The following COL4A4 variants were observed in gnomAD, a reference collection of about 807,000 sequenced individuals.
COL4A4 encodes the protein collagen type IV alpha 4 chain.
Under a neutral mutation model 192.9 loss-of-function variants are expected in COL4A4, and 105 were observed. The ratio of observed to expected loss-of-function variants is 0.54; its 90% confidence interval spans 0.46 to 0.64. COL4A4 has a LOEUF of 0.64. Among genes scored for constraint, COL4A4 ranks in the 30% least tolerant of loss-of-function variants. The pLI is 0.00. For missense variants in COL4A4, 1,967 were observed against 2,169.3 expected, an observed-to-expected ratio of 0.91 and a Z score of 1.85; for synonymous variants, 762 against 769.9, an observed-to-expected ratio of 0.99 and a Z score of 0.17.
intron 4 of COL4A4, among the ~76,000 whole-genome samples, chr2:227,137,943 C>G (rs1250289461): frequency 6.6e-6 from 1 of 151,784 alleles, no homozygotes. Context: ...CACATTTACA[C>G]AAAAAAGCTA....
rs1962350012 is a variant in COL4A4 at position 227,007,309 on chromosome 2, G to A, written c.*16C>T. On this transcript the variant is annotated 3_prime_UTR_variant, in exon 48 of 48. Transcript: ENST00000396625. ...GGAAGTTTCTCTTGGCCACGTGTTG[G>A]TGAATTTCGCATTCTCTAGCTATAC... is the stretch of plus-strand genomic sequence containing the variant. 6.2e-7 allele frequency: 1 copy of A among 1,614,204 alleles called. No homozygotes were observed. The highest frequency in any genetic ancestry group is 1.1e-5 in the South Asian group (1 of 91,076).
chr2:227,133,079 G>A (rs1403881406), intron 4 of COL4A4, among the ~76,000 whole-genome samples: 2 of 152,286 alleles, frequency 1.3e-5, no homozygotes, highest in East Asian at 3.9e-4. Context: ...CCAATAACAA[G>A]TTCAGTGTGG....
Position 227,006,331 on chromosome 2 carries a change from C to G in COL4A4, c.*994G>C, listed in dbSNP as rs1236074252. 6.6e-6 allele frequency: 1 copy of G among 152,608 alleles called. No individual in the cohort carries two copies. Among genetic ancestry groups the G allele is most frequent in the Non-Finnish European group, 1.5e-5 (1 of 68,070 alleles). 9.5% of individuals were successfully genotyped at this position (152,608 alleles called of 1,614,324 possible). On this transcript the variant is annotated 3_prime_UTR_variant, in exon 48 of 48. Coordinates refer to ENST00000396625, the MANE Select transcript of COL4A4 (RefSeq NM_000092.5). ...AGTGCAAGAAGCTGTGCAGGCTCTC[C>G]TGGGGAGGGGAGTGAGATGCTTTGT...
At chr2:227,128,141 T>C (rs1353136104) in intron 4 of COL4A4, among the ~76,000 whole-genome samples, 1 of 152,158 alleles carries the variant, frequency 6.6e-6, no homozygotes, top group Non-Finnish European at 1.5e-5. Flanking sequence ...CTCTCACACC[T>C]AGCAAGCTCA....
chr2:227,018,650 A>G (rs1450377570), intron 44 of COL4A4, among the ~76,000 whole-genome samples: 2 of 152,154 alleles, frequency 1.3e-5, no homozygotes, highest in African/African-American at 2.4e-5. Flanking sequence ...GCGATGCTTC[A>G]CCAGAACGAC....
At chr2:227,037,631 T>C (rs918678934) in intron 37 of COL4A4, among the ~76,000 whole-genome samples, 1 of 152,192 alleles carries the variant, frequency 6.6e-6, no homozygotes, top group Non-Finnish European at 1.5e-5. Context: ...CAAATGGAAT[T>C]TCTGGTTCTA....
At chr2:227,017,871 G>T (rs1318083864) in intron 44 of COL4A4, among the ~76,000 whole-genome samples, 1 of 152,104 alleles carries the variant, frequency 6.6e-6, no homozygotes. Flanking sequence ...TGTCATGGAG[G>T]TTTGTTGTAC....
intron 24 of COL4A4, among the ~76,000 whole-genome samples, chr2:227,078,434 A>C (rs35851048): frequency 1.3e-4 from 20 of 151,990 alleles, no homozygotes; most frequent in Non-Finnish European, 2.5e-4. Flanking sequence ...GTAGAGACTG[A>C]GTTTCGCCAT....
At chr2:227,108,393 G>C (rs2060982587) in intron 12 of COL4A4, among the ~76,000 whole-genome samples, 188 bp downstream of exon 12, 1 of 152,196 alleles carries the variant, frequency 6.6e-6, no homozygotes, top group Non-Finnish European at 1.5e-5. Flanking sequence ...GTGTTAAATT[G>C]TGTCAGATCT....
At chr2:227,083,080 T>A (rs1184892623) in intron 22 of COL4A4, among the ~76,000 whole-genome samples, 1 of 152,012 alleles carries the variant, frequency 6.6e-6, no homozygotes, top group Non-Finnish European at 1.5e-5. Context: ...AATACAAAAA[T>A]TAGCTGGATG....
chr2:227,082,939 G>A lies in COL4A4; in HGVS notation c.1624-752C>T, dbSNP rs547552336. Reference sequence around the variant, plus strand: ...GAATATCAAACCATGTCAAAATTATGGGAACCTGGCTGGGTGCAGTGGCTC... The same window carrying A: ...GAATATCAAACCATGTCAAAATTATAGGAACCTGGCTGGGTGCAGTGGCTC... On this transcript the variant is annotated intron_variant, in intron 22 of 47. Coordinates refer to ENST00000396625, the MANE Select transcript of COL4A4 (RefSeq NM_000092.5). Among the ~76,000 whole-genome samples, 4 of 152,184 alleles carry A rather than the reference G, an allele frequency of 2.6e-5. No individual in the cohort carries two copies. In the South Asian group the frequency reaches 8.3e-4, roughly 32 times the overall value.
intron 45 of COL4A4, among the ~76,000 whole-genome samples, chr2:227,011,616 A>G (rs1963722943): frequency 6.6e-6 from 1 of 152,206 alleles, no homozygotes; most frequent in Non-Finnish European, 1.5e-5. Context: ...CTAACGAGCT[A>G]CATGGTGCAT....
At chr2:227,064,502 G>T (rs563575857) in intron 25 of COL4A4, among the ~76,000 whole-genome samples, 1 of 152,194 alleles carries the variant, frequency 6.6e-6, no homozygotes, top group Admixed American at 6.5e-5. Context: ...CCTGGCTACA[G>T]ATCTAGATAT....
At chr2:227,041,846 A>AAGAGAGAGAGAGAG (rs767450885) in intron 37 of COL4A4, among the ~76,000 whole-genome samples, 3 of 39,318 alleles carry the variant, frequency 7.6e-5, no homozygotes, top group African/African-American at 1.4e-4. Context: ...GAAAGAAAGA[A>AAGAGAGAGAGAGAG]AGAGAAAGAA....
rs141327430 is a variant in COL4A4 at position 227,145,438 on chromosome 2, T to C, written c.72-880A>G. 1.6e-3 allele frequency among the ~76,000 whole-genome samples: 249 copies of C among 152,178 alleles called. 3 individuals carry two copies. The highest frequency in any genetic ancestry group is 5.9e-3 in the African/African-American group (245 of 41,520). On this transcript the variant is annotated intron_variant, in intron 2 of 47. Transcript: ENST00000396625. ...CTCCAGCCTGGGTAACAGAGTGAGG[T>C]TCTGTCTCAAAACAACAAAACAAAA...
At chr2:227,067,128 A>G (rs1462961385) in intron 25 of COL4A4, among the ~76,000 whole-genome samples, 1 of 152,216 alleles carries the variant, frequency 6.6e-6, no homozygotes, top group Non-Finnish European at 1.5e-5. Context: ...GAAGGCCATT[A>G]CATAATGGGA....
the COL4A4 span, among the ~76,000 whole-genome samples, chr2:226,969,999 C>G: frequency 8.1e-6 from 1 of 124,216 alleles, no homozygotes; most frequent in Admixed American, 9.1e-5. Flanking sequence ...TCCCCCCCCC[C>G]TTAATTTTTT....
At chr2:227,093,611 C>T (rs1415909075) in intron 20 of COL4A4, among the ~76,000 whole-genome samples, 5 of 151,978 alleles carry the variant, frequency 3.3e-5, no homozygotes, top group Non-Finnish European at 7.4e-5. Flanking sequence ...CATCCCCAGC[C>T]CCCTGCCTGC....
rs763387095 is a variant in COL4A4, at chr2:227,007,455, T to C, written c.4943A>G (p.Tyr1648Cys). Residue 1648 changes from tyrosine to cysteine, a missense_variant, in exon 48 of 48, where the codon TAT becomes TGT. By Grantham distance (194) the Tyr-to-Cys change is radical. Coordinates refer to ENST00000396625, the MANE Select transcript of COL4A4 (RefSeq NM_000092.5). ...QGTCHFFANK[Y>C]SFWLTTVKAD... is the part of the protein sequence containing the mutation. ...TTTCACCGTTGTGAGCCAGAAGCTA[T>C]ACTTATTTGCGAAAAAGTGGCAAGT... 9 of 1,614,234 alleles carry C rather than the reference T, an allele frequency of 5.6e-6. No individual in the cohort carries two copies. The East Asian group carries it at 6.7e-5, about 12-fold the overall frequency.
Sources: gnomAD v4.1 joint callset for allele counts (sites outside exome capture counted in the v4.1 genomes callset) on GRCh38, gnomAD v4.1.1 for gene constraint, MANE v1.5 for transcripts, NCBI Gene and HGNC (gene_info 2026-07-23, HGNC 2026-07-21) for gene names.